MSRB2: variants seen among roughly 807,000 people sequenced by gnomAD.
The protein encoded by MSRB2 is methionine sulfoxide reductase B2, also known as methionine-R-sulfoxide reductase B2, mitochondrial.
A neutral mutation model predicts 19.0 loss-of-function variants in MSRB2; 17 were observed. That is an observed-to-expected ratio of 0.89 (90% CI 0.61 to 1.34). The LOEUF (loss-of-function observed/expected upper bound fraction) is 1.34, where lower values mean the gene tolerates loss of function less well. MSRB2 is among the 40% of genes most tolerant of loss of function. MSRB2 has a pLI of 0.00. For missense variants in MSRB2, 208 were observed against 237.6 expected (o/e 0.88, Z 0.82); for synonymous variants, 107 against 99.7 (o/e 1.07, Z -0.44).
At chr10:23,100,324 C>G (rs1044587564) in intron 1 of MSRB2, among the ~76,000 whole-genome samples, 1 of 152,142 alleles carries the variant, frequency 6.6e-6, no homozygotes, top group Admixed American at 6.5e-5. Context: ...TTTTTAGTGC[C>G]TCTGGCTAAA....
chr10:23,095,833 T>A, intron 1 of MSRB2, 107 bp downstream of exon 1: 2 of 678,602 alleles, frequency 2.9e-6, no homozygotes, highest in Non-Finnish European at 4.1e-6. Flanking sequence ...GCTGCCCTCC[T>A]ACTAAGCCCT....
chr10:23,121,741 A>G lies in MSRB2; in HGVS notation c.*879A>G, dbSNP rs1840186132. ...ATCAAGTGAGAAGAGGAAGGAAAAT[A>G]CAGGATCCAAGGAATCAACAATGCT... On this transcript the variant is annotated 3_prime_UTR_variant, in exon 5 of 5. Coordinates refer to ENST00000376510, the MANE Select transcript of MSRB2 (RefSeq NM_012228.4). 2.0e-5 allele frequency: 3 copies of G among 152,266 alleles called. No individual in the cohort carries two copies. In the South Asian group the frequency reaches 6.2e-4, roughly 32 times the overall value. 9.4% of individuals were successfully genotyped at this position (152,266 alleles called of 1,614,324 possible).
At chr10:23,104,078 G>T in intron 1 of MSRB2, 66 bp from the exon 2 acceptor site, 1 of 1,332,882 alleles carries the variant, frequency 7.5e-7, no homozygotes. Context: ...AGGGAAAAAG[G>T]TCAAGGAAGA....
intron 3 of MSRB2, among the ~76,000 whole-genome samples, chr10:23,113,012 G>A (rs1293686173): frequency 6.6e-6 from 1 of 152,214 alleles, no homozygotes; most frequent in East Asian, 1.9e-4. Flanking sequence ...ATATTCCTGA[G>A]ACTTCTTCCT....
At chr10:23,104,289 G>A in intron 2 of MSRB2, 45 bp downstream of exon 2, 1 of 1,553,588 alleles carries the variant, frequency 6.4e-7, no homozygotes, top group Non-Finnish European at 8.8e-7. Context: ...TGTGTTGGCA[G>A]TGAGGGGCCA....
At chr10:23,112,646 T>C (rs889687882) in intron 3 of MSRB2, among the ~76,000 whole-genome samples, 1 of 152,238 alleles carries the variant, frequency 6.6e-6, no homozygotes, top group Admixed American at 6.5e-5. Flanking sequence ...TGGAGTGCAG[T>C]GGCGCGATCT....
At chr10:23,098,298 C>T (rs1302626211) in intron 1 of MSRB2, among the ~76,000 whole-genome samples, 2 of 152,008 alleles carry the variant, frequency 1.3e-5, no homozygotes, top group African/African-American at 4.8e-5. Context: ...TAGCAAAACC[C>T]GAAGGAGGCA....
At chr10:23,097,200 A>G (rs1312415557) in intron 1 of MSRB2, among the ~76,000 whole-genome samples, 1 of 148,746 alleles carries the variant, frequency 6.7e-6, no homozygotes, top group Non-Finnish European at 1.5e-5. Context: ...ACTGTTAGGC[A>G]GCCATTAAAA....
chr10:23,103,434 C>T (rs943285861), intron 1 of MSRB2, among the ~76,000 whole-genome samples: 6 of 152,170 alleles, frequency 3.9e-5, no homozygotes, highest in Non-Finnish European at 8.8e-5. Flanking sequence ...AGGAGTTGGG[C>T]TTCCTACTCC....
intron 1 of MSRB2, among the ~76,000 whole-genome samples, chr10:23,098,374 G>A (rs1031027252): frequency 1.3e-5 from 2 of 152,154 alleles, no homozygotes; most frequent in Non-Finnish European, 2.9e-5. Context: ...GGCCCACCCC[G>A]TAGAACTTCT....
chr10:23,121,241 G>T lies in MSRB2; in HGVS notation c.*379G>T. On this transcript the variant is annotated 3_prime_UTR_variant, in exon 5 of 5. Transcript: ENST00000376510. ...TGGTGCCAGCATTTGCTCGGATTCT[G>T]GGGAGACCTGAGGGAGCTTTTACTC... 5.7e-6 allele frequency: 1 copy of T among 175,820 alleles called. No homozygotes were observed. The highest frequency in any genetic ancestry group is 1.2e-5 in the Non-Finnish European group (1 of 83,112). The allele number at this position is 175,820 out of a possible 1,614,324, so 10.9% of individuals were successfully genotyped here.
intron 1 of MSRB2, among the ~76,000 whole-genome samples, chr10:23,098,581 G>A (rs866840893): frequency 1.3e-5 from 2 of 152,198 alleles, no homozygotes; most frequent in African/African-American, 2.4e-5. Context: ...AGCCCCCAAA[G>A]GATGAGCACG....
chr10:23,098,262 A>C (rs1322652889), intron 1 of MSRB2, among the ~76,000 whole-genome samples: 2 of 152,200 alleles, frequency 1.3e-5, no homozygotes, highest in Non-Finnish European at 2.9e-5. Flanking sequence ...GACAATTGGC[A>C]GTATAGCAAC....
intron 3 of MSRB2, among the ~76,000 whole-genome samples, chr10:23,113,812 C>T (rs981864573): frequency 5.3e-5 from 8 of 152,158 alleles, no homozygotes; most frequent in Non-Finnish European, 1.2e-4. Context: ...AAACCGAAGA[C>T]TGCCTACCTT....
Position 23,117,694 on chromosome 10 carries a change from T to G in MSRB2, c.297-1610T>G, listed in dbSNP as rs768060470. Among the ~76,000 whole-genome samples, 114 of 152,220 alleles carry G rather than the reference T, an allele frequency of 7.5e-4. 1 individual carries two copies. In the Middle Eastern group the frequency reaches 0.024, roughly 32 times the overall value. ...CAACCACTGCTTCCTGGGGTCAAGT[T>G]ATTCTCCTGCCTCAGCCTCCCAAGT... On this transcript the variant is annotated intron_variant, in intron 3 of 4. Coordinates refer to ENST00000376510, the MANE Select transcript of MSRB2 (RefSeq NM_012228.4).
chr10:23,119,282 G>C (rs763803058), intron 3 of MSRB2, 22 bp from the exon 4 acceptor site: 4 of 1,612,680 alleles, frequency 2.5e-6, no homozygotes, highest in Non-Finnish European at 3.4e-6. Context: ...AGCAGCTGTA[G>C]TATCGTTTAT....
At position 23,108,162 on chromosome 10, in the gene MSRB2, T is replaced by G. The variant is rs1025810191; in HGVS notation, c.220-2080T>G. 6.6e-5 allele frequency among the ~76,000 whole-genome samples: 10 copies of G among 152,260 alleles called. No individual in the cohort carries two copies. The East Asian group carries it at 1.9e-3, about 29-fold the overall frequency. On this transcript the variant is annotated intron_variant, in intron 2 of 4. Coordinates refer to ENST00000376510, the MANE Select transcript of MSRB2 (RefSeq NM_012228.4). ...TAGTAGAGATGGGGTTTCACCATGT[T>G]GGCCAGGCTGGTCTTGAATTCCTGA...
intron 1 of MSRB2, 132 bp downstream of exon 1, chr10:23,095,858 T>TCCCCC (rs55816790): frequency 5.3e-5 from 21 of 395,068 alleles, no homozygotes; most frequent in African/African-American, 4.0e-4. Context: ...GGCGCGCCCC[T>TCCCCC]CCCCCCCCCC....
At chr10:23,119,859 T>G (rs1235160774) in intron 4 of MSRB2, among the ~76,000 whole-genome samples, 2 of 152,038 alleles carry the variant, frequency 1.3e-5, no homozygotes, top group African/African-American at 4.8e-5. Context: ...CCTCCCAAAG[T>G]GCTGGGATTA....
Sources: allele counts gnomAD v4.1 joint callset (sites outside exome capture counted in the v4.1 genomes callset), GRCh38; gene constraint gnomAD v4.1.1; transcripts MANE v1.5; gene names NCBI Gene and HGNC (gene_info 2026-07-23, HGNC 2026-07-21).